The following MYH8 variants were observed in gnomAD, a reference collection of about 807,000 sequenced individuals.
The protein encoded by MYH8 is myosin-8.
A neutral mutation model predicts 233.2 loss-of-function variants in MYH8; 168 were observed. That is an observed-to-expected ratio of 0.72 (90% CI 0.64 to 0.82). The LOEUF is 0.82. MYH8 is among the 40% of genes least tolerant of loss of function. The probability of loss-of-function intolerance (pLI) is 0.00; values close to 1 mark genes in which losing one functional copy is unlikely to be tolerated. For missense variants in MYH8, 1,995 were observed against 2,327.8 expected (o/e 0.86, Z 2.94); for synonymous variants, 785 against 850.6 (o/e 0.92, Z 1.34).
At position 10,419,975 on chromosome 17, in the gene MYH8, C is replaced by T; in HGVS notation, c.210+43G>A. 1 of 1,599,110 alleles carries T rather than the reference C, an allele frequency of 6.3e-7. No homozygotes were observed. Among genetic ancestry groups the T allele is most frequent in the Non-Finnish European group, 8.6e-7 (1 of 1,166,884 alleles). ...GTAAGTTAGGCTTCAACTTTTGAAC[C>T]AAGAAATAAAATGGGGAGTATTTTC... On this transcript the variant is annotated intron_variant, in intron 3 of 39. Transcript: ENST00000403437. This position sits in a 1 kb window ranked among gnomAD's most constrained non-coding sequence, Gnocchi z 4.0.
Position 10,398,652 on chromosome 17 carries a change from GCAGTT to G in MYH8, c.3982-17_3982-13del, listed in dbSNP as rs2072102588. The G allele has an allele frequency of 6.2e-7, 1 of 1,614,074 alleles. No homozygotes were observed. Among genetic ancestry groups the G allele is most frequent in the Non-Finnish European group, 8.5e-7 (1 of 1,180,048 alleles). ...AGGGCGTTCTTGGCCTGCAGAAGTA[GCAGTT>G]CAGTGACATAAATTCATGTATTCAG... On this transcript the variant is annotated splice_polypyrimidine_tract_variant and intron_variant, in intron 29 of 39. Coordinates refer to ENST00000403437, the MANE Select transcript of MYH8 (RefSeq NM_002472.3).
At chr17:10,409,048 A>G (rs1017029824) in intron 17 of MYH8, 49 bp downstream of exon 17, 11 of 1,549,540 alleles carry the variant, frequency 7.1e-6, no homozygotes, top group Non-Finnish European at 9.8e-6. Flanking sequence ...CTTAATTATG[A>G]TAATTCATAG....
chr17:10,408,385 G>A (rs553225973), intron 17 of MYH8, among the ~76,000 whole-genome samples: 1 of 152,278 alleles, frequency 6.6e-6, no homozygotes, highest in African/African-American at 2.4e-5. Flanking sequence ...AATTGGTTGT[G>A]AGAAAGAAAA....
rs1239519184 is a variant in MYH8, at chr17:10,396,471, A to T, written c.4529-17T>A. 70 of 1,613,980 alleles carry T rather than the reference A, an allele frequency of 4.3e-5. No homozygotes were observed. Among genetic ancestry groups the T allele is most frequent in the Non-Finnish European group, 5.8e-5 (69 of 1,180,016 alleles). On this transcript the variant is annotated splice_polypyrimidine_tract_variant and intron_variant, in intron 32 of 39. Transcript: ENST00000403437. This position sits in a 1 kb window ranked among gnomAD's most constrained non-coding sequence, Gnocchi z 4.2. ...AAATCTCCTCTGTGGTTGAACAGACAGGAGAGAAATGGTCAGAAAGATGGC... is the reference window on the plus strand; with the variant it reads ...AAATCTCCTCTGTGGTTGAACAGACTGGAGAGAAATGGTCAGAAAGATGGC...
rs184075253 is a variant in MYH8 at position 10,399,132 on chromosome 17, C to T, written c.3863-246G>A. ...ACTTGCCAGTTCAGCATCCCTAATC[C>T]GAAAATCTAAAATCTGAAATGCTGC... On this transcript the variant is annotated intron_variant, in intron 28 of 39. Coordinates refer to ENST00000403437, the MANE Select transcript of MYH8 (RefSeq NM_002472.3). Among the ~76,000 whole-genome samples, 10 of 151,680 alleles carry T rather than the reference C, an allele frequency of 6.6e-5. No homozygotes were observed. In the East Asian group the frequency reaches 9.7e-4, roughly 15 times the overall value.
At chr17:10,397,294 A>C (rs2072088994) in intron 30 of MYH8, among the ~76,000 whole-genome samples, 1 of 152,012 alleles carries the variant, frequency 6.6e-6, no homozygotes, top group Non-Finnish European at 1.5e-5. Context: ...GTTTCACCAT[A>C]TGTTGGCCAA....
chr17:10,412,264 T>C, intron 14 of MYH8, 106 bp downstream of exon 14: 1 of 1,608,632 alleles, frequency 6.2e-7, no homozygotes, highest in Non-Finnish European at 8.5e-7. Context: ...AGGTGCAGTG[T>C]TGGAGCAAGT....
chr17:10,418,564 T>C (rs1475244458), intron 5 of MYH8, 81 bp downstream of exon 5: 1 of 1,610,484 alleles, frequency 6.2e-7, no homozygotes, highest in Non-Finnish European at 8.5e-7. Flanking sequence ...TATCATAACA[T>C]AAAGAGGCTC....
intron 17 of MYH8, among the ~76,000 whole-genome samples, chr17:10,407,585 A>G (rs937548431): frequency 4.6e-5 from 7 of 152,106 alleles, no homozygotes; most frequent in African/African-American, 1.7e-4. Flanking sequence ...TCACGCCTGT[A>G]ATCCCAGCAC....
Position 10,415,426 on chromosome 17 carries a change from G to A in MYH8, c.649-42C>T, listed in dbSNP as rs191181496. The A allele has an allele frequency of 3.7e-6, 6 of 1,613,136 alleles. No homozygotes were observed. Among genetic ancestry groups the A allele is most frequent in the Non-Finnish European group, 5.1e-6 (6 of 1,179,186 alleles). ...AGTTCTCACATCTGGGACTCCAGAT[G>A]TCTGAGAGCCTTGACAGAGGTTTTG... is the stretch of plus-strand genomic sequence containing the variant. On this transcript the variant is annotated intron_variant, in intron 7 of 39. Transcript: ENST00000403437. The surrounding 1 kb of genome is among the most constrained non-coding windows in gnomAD (Gnocchi z 4.1).
rs376868909 is a variant in MYH8, at chr17:10,396,457, G to A, written c.4529-3C>T. 2.5e-5 allele frequency: 41 copies of A among 1,613,958 alleles called. No homozygotes were observed. The highest frequency in any genetic ancestry group is 3.3e-5 in the Non-Finnish European group (39 of 1,180,016). On this transcript the variant is annotated splice_polypyrimidine_tract_variant and splice_region_variant and intron_variant, in intron 32 of 39. Coordinates refer to ENST00000403437, the MANE Select transcript of MYH8 (RefSeq NM_002472.3). This position sits in a 1 kb window ranked among gnomAD's most constrained non-coding sequence, Gnocchi z 4.2. The stretch of plus-strand genomic sequence containing the variant: ...CTCAGTGAGGTCAGAAATCTCCTCT[G>A]TGGTTGAACAGACAGGAGAGAAATG...
At chr17:10,393,960 C>T (rs994220752) in intron 35 of MYH8, among the ~76,000 whole-genome samples, 29 of 132,652 alleles carry the variant, frequency 2.2e-4, no homozygotes, top group African/African-American at 8.4e-4. Flanking sequence ...TCTAAATAGC[C>T]AAATCTTATT....
At chr17:10,413,534 G>T (rs1453190930) in intron 12 of MYH8, among the ~76,000 whole-genome samples, 1 of 152,194 alleles carries the variant, frequency 6.6e-6, no homozygotes, top group Non-Finnish European at 1.5e-5. Flanking sequence ...TATTTGGGCA[G>T]ATTCTCTGCT....
Position 10,419,036 on chromosome 17 carries a change from G to T in MYH8, c.211-6C>A, listed in dbSNP as rs775048580. On this transcript the variant is annotated splice_region_variant and splice_polypyrimidine_tract_variant and intron_variant, in intron 3 of 39. Transcript: ENST00000403437. The surrounding 1 kb of genome is among the most constrained non-coding windows in gnomAD (Gnocchi z 4.0). Reference sequence around the variant, plus strand: ...TCTTCCCTGACAGTTAGAGTCTGGTGAGTAAGCAAGAAACCAGTTCGTTTT... The same window carrying T: ...TCTTCCCTGACAGTTAGAGTCTGGTTAGTAAGCAAGAAACCAGTTCGTTTT... The T allele has an allele frequency of 6.2e-7, 1 of 1,614,078 alleles. No individual in the cohort carries two copies. Among genetic ancestry groups the T allele is most frequent in the Non-Finnish European group, 8.5e-7 (1 of 1,179,990 alleles).
intron 35 of MYH8, among the ~76,000 whole-genome samples, 192 bp from the exon 36 acceptor site, chr17:10,393,402 C>G (rs946071917): frequency 6.6e-6 from 1 of 152,194 alleles, no homozygotes; most frequent in Non-Finnish European, 1.5e-5. Flanking sequence ...CCAGTGTCCA[C>G]CTGATTTATG....
intron 17 of MYH8, among the ~76,000 whole-genome samples, chr17:10,408,483 C>G (rs1202926874): frequency 6.6e-6 from 1 of 152,122 alleles, no homozygotes; most frequent in African/African-American, 2.4e-5. Context: ...TAGCCATACA[C>G]ATTTTGATTA....
rs142606252 is a variant in MYH8 at position 10,414,246 on chromosome 17, C to G, written c.954G>C (p.Gln318His). Residue 318 changes from glutamine to histidine, a missense_variant, in exon 11 of 40, where the codon CAG becomes CAC. By Grantham distance (24) the Gln-to-His change is conservative (BLOSUM62 0). Coordinates refer to ENST00000403437, the MANE Select transcript of MYH8 (RefSeq NM_002472.3). ...CAATACTGGGAACTGTGATCTCCCCCTGACTGACGAAGGCATAGTCATATG... is the reference window on the plus strand; with the variant it reads ...CAATACTGGGAACTGTGATCTCCCCGTGACTGACGAAGGCATAGTCATATG... ...TNPYDYAFVS[Q>H]GEITVPSIDD... The G allele has an allele frequency of 1.2e-3, 1,882 of 1,614,144 alleles. 1 individual carries two copies. The highest frequency in any genetic ancestry group is 1.4e-3 in the Non-Finnish European group (1,610 of 1,180,012).
At chr17:10,399,465 A>G in intron 28 of MYH8, 78 bp downstream of exon 28, 1 of 1,603,540 alleles carries the variant, frequency 6.2e-7, no homozygotes, top group Admixed American at 1.7e-5. Context: ...CTAAAGTGGG[A>G]ATATTGCTAT....
At position 10,406,980 on chromosome 17, in the gene MYH8, C is replaced by T. The variant is rs561214803; in HGVS notation, c.1966-1G>A. 2.5e-6 allele frequency: 4 copies of T among 1,612,492 alleles called. No individual in the cohort carries two copies. In the East Asian group the frequency reaches 8.9e-5, roughly 36 times the overall value. Reference sequence around the variant, plus strand: ...TCGTCATCAATTTATTTAAATTTTCCTAGAAAACCAGACAGAAAGGACTTG... The same window carrying T: ...TCGTCATCAATTTATTTAAATTTTCTTAGAAAACCAGACAGAAAGGACTTG... On this transcript the variant is annotated splice_acceptor_variant, in intron 17 of 39. Coordinates refer to ENST00000403437, the MANE Select transcript of MYH8 (RefSeq NM_002472.3). LOFTEE classifies it high-confidence loss of function.
Sources: allele counts gnomAD v4.1 joint callset (sites outside exome capture counted in the v4.1 genomes callset), GRCh38; gene constraint gnomAD v4.1.1; non-coding constraint Gnocchi (gnomAD v3.1); transcripts MANE v1.5; gene names NCBI Gene and HGNC (gene_info 2026-07-23, HGNC 2026-07-21).